The following GLI2 variants were observed in gnomAD, a reference collection of about 807,000 sequenced individuals.
GLI2 encodes the protein GLI family zinc finger 2.
A neutral mutation model predicts 78.9 loss-of-function variants in GLI2; 22 were observed. The observed-to-expected ratio is 0.28, with a 90% CI of 0.20 to 0.40. The LOEUF is 0.40. Among genes scored for constraint, GLI2 ranks in the 10% least tolerant of loss-of-function variants. GLI2 has a pLI of 1.00. For missense variants in GLI2, 2,097 were observed against 2,213.2 expected (o/e 0.95, Z 1.05); for synonymous variants, 974 against 963.7 (o/e 1.01, Z -0.20).
At chr2:120,815,351 A>T (rs1022111347) in intron 2 of GLI2, among the ~76,000 whole-genome samples, 2 of 152,188 alleles carry the variant, frequency 1.3e-5, no homozygotes, top group African/African-American at 4.8e-5. Flanking sequence ...CATCTGTAAC[A>T]GGAGCTGCAA....
intron 2 of GLI2, 100 bp from the exon 3 acceptor site, chr2:120,927,261 T>C (rs1679727538): frequency 1.1e-6 from 1 of 875,114 alleles, no homozygotes; most frequent in Admixed American, 1.7e-5. Context: ...TCCTGGCTGC[T>C]CTTGCTATGA....
intron 1 of GLI2, among the ~76,000 whole-genome samples, chr2:120,788,558 G>A (rs914239057): frequency 3.9e-5 from 6 of 152,338 alleles, no homozygotes; most frequent in Middle Eastern, 3.4e-3. Flanking sequence ...AACTCTTATC[G>A]GAGGCTGGCT....
intron 2 of GLI2, among the ~76,000 whole-genome samples, chr2:120,916,021 A>G (rs930414449): frequency 6.6e-6 from 1 of 152,192 alleles, no homozygotes; most frequent in Non-Finnish European, 1.5e-5. Context: ...ACTGGGAACT[A>G]TGGAGCCACA....
At chr2:120,947,958 C>A (rs1680792537) in intron 3 of GLI2, among the ~76,000 whole-genome samples, 1 of 152,222 alleles carries the variant, frequency 6.6e-6, no homozygotes, top group African/African-American at 2.4e-5. Flanking sequence ...TGAGTTGGAC[C>A]TGTTGTGGAG....
chr2:120,942,145 A>G (rs11895515), intron 3 of GLI2, among the ~76,000 whole-genome samples: 2,510 of 152,304 alleles, frequency 0.016, 83 homozygotes, highest in African/African-American at 0.057. Flanking sequence ...CTCTAGGCCA[A>G]TGCAACATGC....
At chr2:120,962,448 C>T (rs1681615275) in intron 5 of GLI2, among the ~76,000 whole-genome samples, 1 of 152,214 alleles carries the variant, frequency 6.6e-6, no homozygotes, top group Non-Finnish European at 1.5e-5. Flanking sequence ...GCCTGGTGTG[C>T]TCTCAGCACT....
intron 2 of GLI2, among the ~76,000 whole-genome samples, chr2:120,900,127 G>T (rs1355734897): frequency 1.3e-5 from 2 of 152,206 alleles, no homozygotes; most frequent in African/African-American, 2.4e-5. Context: ...ATCTCCTGGG[G>T]GTGGGAGGGT....
chr2:120,968,687 A>G, intron 5 of GLI2, 27 bp from the exon 6 acceptor site: 2 of 1,465,666 alleles, frequency 1.4e-6, no homozygotes, highest in Non-Finnish European at 1.9e-6. Context: ...AGTGATGCTG[A>G]CCTGTCTTGT....
At chr2:120,761,947 G>C (rs545535533) in intron 1 of GLI2, among the ~76,000 whole-genome samples, 1 of 152,346 alleles carries the variant, frequency 6.6e-6, no homozygotes, top group African/African-American at 2.4e-5. Context: ...CCCTTCTGCA[G>C]GGGCAAATTA....
chr2:120,972,199 G>A, intron 8 of GLI2, 136 bp downstream of exon 8: 1 of 944,990 alleles, frequency 1.1e-6, no homozygotes, highest in Non-Finnish European at 1.7e-6. Context: ...AGGGAGGACT[G>A]GGTGGGAATG....
chr2:120,951,491 C>A, intron 4 of GLI2, 46 bp downstream of exon 4: 1 of 1,261,884 alleles, frequency 7.9e-7, no homozygotes, highest in Non-Finnish European at 1.1e-6. Context: ...GGCACTGGGG[C>A]AGGGCGCAGC....
intron 2 of GLI2, among the ~76,000 whole-genome samples, chr2:120,857,930 G>A (rs1687738610): frequency 1.3e-5 from 2 of 152,174 alleles, no homozygotes; most frequent in African/African-American, 2.4e-5. Flanking sequence ...AGTTGCGGTT[G>A]CTTCTAATTC....
chr2:120,904,966 G>GT (rs1191712503), intron 2 of GLI2, among the ~76,000 whole-genome samples: 1 of 152,200 alleles, frequency 6.6e-6, no homozygotes, highest in Non-Finnish European at 1.5e-5. Flanking sequence ...CTTTCCCTCA[G>GT]CCATTAAAGT....
chr2:120,949,311 G>A (rs1051218512), intron 3 of GLI2, among the ~76,000 whole-genome samples: 2 of 152,254 alleles, frequency 1.3e-5, no homozygotes, highest in African/African-American at 4.8e-5. Context: ...TGTGACTTGT[G>A]ACTTATTCCA....
intron 5 of GLI2, among the ~76,000 whole-genome samples, chr2:120,963,022 A>T (rs1210625264): frequency 6.6e-6 from 1 of 152,202 alleles, no homozygotes; most frequent in Non-Finnish European, 1.5e-5. Flanking sequence ...GAGGATTGAC[A>T]AGGAGTGGAC....
intron 5 of GLI2, among the ~76,000 whole-genome samples, chr2:120,967,570 C>T (rs1681919153): frequency 2.0e-5 from 3 of 152,222 alleles, no homozygotes; most frequent in African/African-American, 7.2e-5. Flanking sequence ...GGGGCAAGCC[C>T]TCTTCCCTTC....
chr2:120,748,152 G>A (rs903343777), intron 1 of GLI2, among the ~76,000 whole-genome samples: 1 of 152,200 alleles, frequency 6.6e-6, no homozygotes, highest in Non-Finnish European at 1.5e-5. Flanking sequence ...GGGAATATTG[G>A]CCAGGAGCAG....
intron 2 of GLI2, among the ~76,000 whole-genome samples, chr2:120,865,201 C>A (rs115931155): frequency 6.6e-6 from 1 of 152,164 alleles, no homozygotes; most frequent in Non-Finnish European, 1.5e-5. Context: ...TGGAGCCCTT[C>A]GCGGTTCCAG....
intron 2 of GLI2, among the ~76,000 whole-genome samples, chr2:120,912,253 CA>C (rs1678859297): frequency 6.7e-6 from 1 of 148,944 alleles, no homozygotes; most frequent in Non-Finnish European, 1.5e-5. Flanking sequence ...CTTAGCTCAT[CA>C]AAATATTGTT....
Sources: allele counts gnomAD v4.1 joint callset (sites outside exome capture counted in the v4.1 genomes callset), GRCh38; gene constraint gnomAD v4.1.1; transcripts MANE v1.5; gene names NCBI Gene and HGNC (gene_info 2026-07-23, HGNC 2026-07-21).